Variants in KCNK9 observed in about 807,000 individuals in gnomAD.
The protein encoded by KCNK9 is potassium two pore domain channel subfamily K member 9, also known as potassium channel subfamily K member 9.
In KCNK9, 1 loss-of-function variant was observed where a neutral mutation model predicts 10.8. The ratio of observed to expected loss-of-function variants is 0.09; its 90% CI spans 0.03 to 0.44. The LOEUF (loss-of-function observed/expected upper bound fraction) is 0.44, where lower values mean the gene tolerates loss of function less well. Ranked by LOEUF, KCNK9 falls within the 20% of genes least tolerant of loss-of-function variation. KCNK9 has a pLI of 0.97. For synonymous variants in KCNK9, 231 were observed against 222.7 expected (o/e 1.04, Z -0.33); for missense variants, 303 against 515.0 (o/e 0.59, Z 3.98).
At chr8:139,673,216 G>A (rs574597342) in intron 1 of KCNK9, among the ~76,000 whole-genome samples, 2 of 152,074 alleles carry the variant, frequency 1.3e-5, no homozygotes, top group African/African-American at 4.8e-5. Flanking sequence ...GAGGGCCGGG[G>A]GTGATGGCTA....
intron 1 of KCNK9, among the ~76,000 whole-genome samples, chr8:139,678,841 C>T (rs1158664043): frequency 1.3e-5 from 2 of 152,242 alleles, no homozygotes; most frequent in Non-Finnish European, 2.9e-5. Flanking sequence ...AATGGCCTCT[C>T]TCCCCAGGTT....
In KCNK9 at chr8:139,617,801, A is replaced by G. The variant is rs942235280; in HGVS notation, c.*457T>C. Among the ~76,000 whole-genome samples, 1 of 152,164 alleles carries G rather than the reference A, an allele frequency of 6.6e-6. No individual in the cohort carries two copies. The highest frequency in any genetic ancestry group is 1.5e-5 in the Non-Finnish European group (1 of 68,028). On this transcript the variant is annotated 3_prime_UTR_variant, in exon 2 of 2. Transcript: ENST00000520439. ...ACACACAACACACACACAGTCACTC[A>G]GTCCTTAGGAAAAGAGAAAGGAGTT...
chr8:139,672,761 G>A (rs556200233), intron 1 of KCNK9, among the ~76,000 whole-genome samples: 29 of 152,338 alleles, frequency 1.9e-4, no homozygotes, highest in African/African-American at 5.8e-4. Flanking sequence ...GGAGCCGCAT[G>A]GGAAGGAGCT....
chr8:139,650,801 G>T (rs540913056), intron 1 of KCNK9, among the ~76,000 whole-genome samples: 2 of 152,158 alleles, frequency 1.3e-5, no homozygotes, highest in African/African-American at 2.4e-5. Context: ...TGGGAGGGAA[G>T]CAGCAGCCCC....
At chr8:139,641,637 C>T (rs970164958) in intron 1 of KCNK9, among the ~76,000 whole-genome samples, 2 of 152,178 alleles carry the variant, frequency 1.3e-5, no homozygotes. Flanking sequence ...CCTGCCCCCC[C>T]CCCGCACTTT....
chr8:139,625,017 TG>T (rs1245568752), intron 1 of KCNK9, among the ~76,000 whole-genome samples: 1 of 152,136 alleles, frequency 6.6e-6, no homozygotes, highest in African/African-American at 2.4e-5. Context: ...GCAGATGATG[TG>T]CATCAGAGCA....
intron 1 of KCNK9, among the ~76,000 whole-genome samples, chr8:139,667,115 G>A (rs1452727478): frequency 2.8e-5 from 2 of 72,168 alleles, no homozygotes; most frequent in East Asian, 4.2e-4. Flanking sequence ...TGCATGCCCA[G>A]GACACAAAGT....
At chr8:139,635,566 A>G (rs1815312197) in intron 1 of KCNK9, among the ~76,000 whole-genome samples, 1 of 152,248 alleles carries the variant, frequency 6.6e-6, no homozygotes, top group South Asian at 2.1e-4. Flanking sequence ...ACACAAAACC[A>G]GAAAAGAAAT....
intron 1 of KCNK9, among the ~76,000 whole-genome samples, chr8:139,658,410 AC>A (rs987335358): frequency 6.6e-6 from 1 of 152,010 alleles, no homozygotes; most frequent in African/African-American, 2.4e-5. Flanking sequence ...CCTCCAGAAC[AC>A]CCCACAATGT....
chr8:139,691,468 G>T (rs2129794946), intron 1 of KCNK9, among the ~76,000 whole-genome samples: 1 of 152,130 alleles, frequency 6.6e-6, no homozygotes, highest in East Asian at 1.9e-4. Flanking sequence ...GTTGTTGATG[G>T]GAACAACATA....
intron 1 of KCNK9, among the ~76,000 whole-genome samples, chr8:139,627,006 T>G (rs572252126): frequency 6.6e-6 from 1 of 152,292 alleles, no homozygotes; most frequent in South Asian, 2.1e-4. Context: ...CCCAGGCGTC[T>G]GCAAACACCA....
chr8:139,688,230 GA>G (rs1467936965), intron 1 of KCNK9, among the ~76,000 whole-genome samples: 2 of 152,208 alleles, frequency 1.3e-5, no homozygotes, highest in Non-Finnish European at 2.9e-5. Flanking sequence ...AAAGGTAGAT[GA>G]GGGGTTGAGC....
intron 1 of KCNK9, among the ~76,000 whole-genome samples, chr8:139,647,560 C>G (rs1211944893): frequency 6.6e-6 from 1 of 152,138 alleles, no homozygotes; most frequent in Non-Finnish European, 1.5e-5. Flanking sequence ...GGTTAAGGGA[C>G]AGCTATGCAA....
At chr8:139,653,950 G>C (rs1039924009) in intron 1 of KCNK9, among the ~76,000 whole-genome samples, 2 of 152,176 alleles carry the variant, frequency 1.3e-5, no homozygotes, top group African/African-American at 4.8e-5. Flanking sequence ...GCTAAGGCCC[G>C]TGTTCATTTC....
At chr8:139,695,767 G>C (rs1214308406) in intron 1 of KCNK9, among the ~76,000 whole-genome samples, 2 of 152,160 alleles carry the variant, frequency 1.3e-5, no homozygotes, top group Non-Finnish European at 2.9e-5. Flanking sequence ...GCCTACCTGG[G>C]CTGGTTGCCT....
At chr8:139,687,689 T>C (rs960462785) in intron 1 of KCNK9, among the ~76,000 whole-genome samples, 1 of 141,446 alleles carries the variant, frequency 7.1e-6, no homozygotes, top group African/African-American at 2.6e-5. Context: ...TATATTCATA[T>C]GTATACATAT....
intron 1 of KCNK9, among the ~76,000 whole-genome samples, chr8:139,659,110 C>T (rs561908854): frequency 6.6e-6 from 1 of 152,344 alleles, no homozygotes; most frequent in African/African-American, 2.4e-5. Context: ...GTCTTCGGGG[C>T]TTTGTGAGAG....
chr8:139,674,143 A>G (rs1177372045), intron 1 of KCNK9, among the ~76,000 whole-genome samples: 2 of 151,982 alleles, frequency 1.3e-5, no homozygotes, highest in Admixed American at 1.3e-4. Flanking sequence ...CTAACCCCTA[A>G]CAGGATGGTA....
rs1233732799 is a variant in KCNK9 at position 139,687,370 on chromosome 8, GTA to G, written c.283+15338_283+15339del. Among the ~76,000 whole-genome samples, 318 of 138,124 alleles carry G rather than the reference GTA, an allele frequency of 2.3e-3. 29 individuals are homozygous for G. Among genetic ancestry groups the G allele is most frequent in the African/African-American group, 7.1e-3 (267 of 37,600 alleles). The allele number at this position is 138,124 out of a possible 152,430, so 90.6% of individuals were successfully genotyped here. A position where few individuals can be genotyped will look rare whatever the true frequency, so the allele number is the denominator to read the frequency against. ...TATATATATGTATACATATATATGT[GTA>G]TACATATATATGAATATATATGTGT... On this transcript the variant is annotated intron_variant, in intron 1 of 1. Coordinates refer to ENST00000520439, the MANE Select transcript of KCNK9 (RefSeq NM_001282534.2).
Sources: gnomAD v4.1 joint callset for allele counts (sites outside exome capture counted in the v4.1 genomes callset) on GRCh38, gnomAD v4.1.1 for gene constraint, MANE v1.5 for transcripts, NCBI Gene and HGNC (gene_info 2026-07-23, HGNC 2026-07-21) for gene names.